Variants in PSCA observed in about 807,000 individuals in gnomAD.
PSCA encodes prostate stem cell antigen.
Under a neutral mutation model 7.9 loss-of-function variants are expected in PSCA, and 7 were observed. The observed-to-expected ratio is 0.89, with a 90% confidence interval of 0.51 to 1.67. PSCA has a LOEUF of 1.67. Among genes scored for constraint, PSCA ranks in the 40% most tolerant of loss-of-function variants. PSCA has a pLI of 0.00. For synonymous variants in PSCA, 61 were observed against 68.3 expected (o/e 0.89, Z 0.53); for missense variants, 151 against 147.9 (o/e 1.02, Z -0.11).
chr8:142,671,773 C>G (rs914404347), intron 1 of PSCA, among the ~76,000 whole-genome samples: 7 of 152,164 alleles, frequency 4.6e-5, no homozygotes, highest in African/African-American at 1.7e-4. Context: ...GTCTCGAGCT[C>G]GTGGACTCAA....
At chr8:142,680,330 A>G (rs1194897343), upstream of PSCA, 1 of 607,652 alleles carries the variant, frequency 1.6e-6, no homozygotes, top group Non-Finnish European at 3.0e-6. Flanking sequence ...AGAGGTGGAA[A>G]GAAGGACAAA....
chr8:142,673,629 G>A lies in PSCA; in HGVS notation n.261+3061G>A, dbSNP rs1390859112. Among the ~76,000 whole-genome samples, 2 of 152,174 alleles carry A rather than the reference G, an allele frequency of 1.3e-5. No individual in the cohort carries two copies. Among genetic ancestry groups the A allele is most frequent in the African/African-American group, 4.8e-5 (2 of 41,428 alleles). On this transcript the variant is annotated intron_variant and non_coding_transcript_variant, in intron 1 of 1. Coordinates refer to the PSCA transcript ENST00000505305. The surrounding 1 kb of genome is among the most constrained non-coding windows in gnomAD (Gnocchi z 4.6). ...GCCTCTCAGAAAATTCGGACGCTAG[G>A]GTTTTTCAAGGAGAGTCTGGTGGGC...
upstream of PSCA, chr8:142,675,930 A>C (rs950211058): frequency 6.6e-6 from 1 of 152,210 alleles, no homozygotes; most frequent in Non-Finnish European, 1.5e-5. Context: ...TTATTTTTTT[A>C]ATTAATGCTG....
At chr8:142,677,465 A>G (rs893131967), upstream of PSCA, among the ~76,000 whole-genome samples, 2 of 152,254 alleles carry the variant, frequency 1.3e-5, no homozygotes, top group African/African-American at 2.4e-5. Flanking sequence ...ACTGCCTTAC[A>G]GCAATCACTG....
chr8:142,682,321 C>A lies in PSCA; in HGVS notation c.*189C>A. 1 of 753,544 alleles carries A rather than the reference C, an allele frequency of 1.3e-6. No individual in the cohort carries two copies. The highest frequency in any genetic ancestry group is 2.3e-6 in the Non-Finnish European group (1 of 432,552). 46.7% of individuals were successfully genotyped at this position (753,544 alleles called of 1,614,324 possible). ...CCCATGGCCCTCTCCAGGACTCCCA[C>A]CCGGCAGATCGGCTCTATTGACACA... On this transcript the variant is annotated 3_prime_UTR_variant, in exon 3 of 3. Transcript: ENST00000301258.
intron 1 of PSCA, among the ~76,000 whole-genome samples, chr8:142,672,278 C>CCTG (rs369663281): frequency 6.6e-6 from 1 of 151,990 alleles, no homozygotes; most frequent in Non-Finnish European, 1.5e-5. Flanking sequence ...ACTGCCCTCC[C>CCTG]CAATCCACAC....
At chr8:142,671,786 G>A (rs903059459) in intron 1 of PSCA, among the ~76,000 whole-genome samples, 5 of 152,114 alleles carry the variant, frequency 3.3e-5, no homozygotes, top group East Asian at 3.9e-4. Context: ...GGACTCAAGC[G>A]ATCCCAAAAT....
At chr8:142,672,862 A>T (rs1847350722) in intron 1 of PSCA, among the ~76,000 whole-genome samples, 2 of 152,164 alleles carry the variant, frequency 1.3e-5, no homozygotes, top group Non-Finnish European at 2.9e-5. Flanking sequence ...GATTGGTATG[A>T]CCAAGGGTGA....
Position 142,682,592 on chromosome 8 carries a change from G to A in PSCA, c.*460G>A, listed in dbSNP as rs782483973. 3.5e-5 allele frequency: 13 copies of A among 370,296 alleles called. No individual in the cohort carries two copies. The highest frequency in any genetic ancestry group is 1.4e-4 in the South Asian group (7 of 50,674). 22.9% of individuals were successfully genotyped at this position (370,296 alleles called of 1,614,324 possible). A position where few individuals can be genotyped will look rare whatever the true frequency, so the allele number is the denominator to read the frequency against. ...GTAGAACTGGAGGACAGGAGTCGAC[G>A]TGAGTTCCTGGGAGTCTCCAGAGAT... On this transcript the variant is annotated 3_prime_UTR_variant, in exon 3 of 3. Transcript: ENST00000301258.
In PSCA at chr8:142,682,692, G is replaced by C. The variant is rs1006535732; in HGVS notation, c.*560G>C. 1 of 327,348 alleles carries C rather than the reference G, an allele frequency of 3.1e-6. No individual in the cohort carries two copies. The highest frequency in any genetic ancestry group is 6.1e-6 in the Non-Finnish European group (1 of 164,092). The allele number at this position is 327,348 out of a possible 1,614,324, so 20.3% of individuals were successfully genotyped here. Reference sequence around the variant, plus strand: ...CCCTGAATGGCAGCCTCAGCACAGCGTAGGCCCTTAATAAACACCTGTTGG... The same window carrying C: ...CCCTGAATGGCAGCCTCAGCACAGCCTAGGCCCTTAATAAACACCTGTTGG... On this transcript the variant is annotated 3_prime_UTR_variant, in exon 3 of 3. Coordinates refer to ENST00000301258, the MANE Select transcript of PSCA (RefSeq NM_005672.5).
chr8:142,670,703 G>A (rs1847306949), intron 1 of PSCA: 1 of 152,150 alleles, frequency 6.6e-6, no homozygotes, highest in African/African-American at 2.4e-5. Flanking sequence ...CAGAATAATG[G>A]CCCTCCAAGG....
chr8:142,680,483 G>GC, upstream of PSCA: 1 of 1,548,988 alleles, frequency 6.5e-7, no homozygotes, highest in Admixed American at 2.0e-5. Flanking sequence ...GTCACCTGAG[G>GC]CCCTCTCCAC....
In PSCA at chr8:142,681,367, C is replaced by T. The variant is rs781929366; in HGVS notation, c.66C>T (p.Ser22=). ...LLCYSCKAQV[S]NEDCLQVENC... is the part of the protein sequence containing the mutation. ...GCTACTCCTGCAAAGCCCAGGTGAG[C>T]AACGAGGACTGCCTGCAGGTGGAGA... Residue 22 remains serine, a synonymous_variant, in exon 2 of 3, where the codon AGC becomes AGT. Transcript: ENST00000301258. 3.8e-6 allele frequency: 6 copies of T among 1,584,892 alleles called. No homozygotes were observed. Among genetic ancestry groups the T allele is most frequent in the Non-Finnish European group, 5.1e-6 (6 of 1,165,756 alleles).
At chr8:142,672,023 G>C (rs1554637416) in intron 1 of PSCA, among the ~76,000 whole-genome samples, 1 of 152,104 alleles carries the variant, frequency 6.6e-6, no homozygotes, top group Admixed American at 6.6e-5. Flanking sequence ...CACTGGCAAC[G>C]ACCAAATTCA....
upstream of PSCA, among the ~76,000 whole-genome samples, chr8:142,675,741 A>G (rs1454762211): frequency 6.6e-6 from 1 of 152,122 alleles, no homozygotes; most frequent in Non-Finnish European, 1.5e-5. Context: ...CATATCACAC[A>G]CACACAGCTT....
chr8:142,672,799 A>T (rs1471560045), intron 1 of PSCA, among the ~76,000 whole-genome samples: 1 of 152,238 alleles, frequency 6.6e-6, no homozygotes, highest in Non-Finnish European at 1.5e-5. Context: ...AGACCCCAGC[A>T]GATTTTATAG....
At chr8:142,670,855 G>A (rs1554637313) in intron 1 of PSCA, among the ~76,000 whole-genome samples, 1 of 152,198 alleles carries the variant, frequency 6.6e-6, no homozygotes, top group Non-Finnish European at 1.5e-5. Context: ...TCGTCCCTGG[G>A]TATCCATAGA....
chr8:142,677,039 G>T (rs1427603704), upstream of PSCA, among the ~76,000 whole-genome samples: 2 of 152,220 alleles, frequency 1.3e-5, no homozygotes, highest in South Asian at 2.1e-4. Context: ...CCACAGTCAG[G>T]GTTCATTCTG....
At chr8:142,680,922 T>G in intron 1 of PSCA, 3 of 471,124 alleles carry the variant, frequency 6.4e-6, no homozygotes, top group East Asian at 3.6e-5. Flanking sequence ...GGCTAAGAAG[T>G]GGTTTTTGGG....
Sources: allele counts gnomAD v4.1 joint callset (sites outside exome capture counted in the v4.1 genomes callset), GRCh38; gene constraint gnomAD v4.1.1; non-coding constraint Gnocchi (gnomAD v3.1); transcripts MANE v1.5; gene names NCBI Gene and HGNC (gene_info 2026-07-23, HGNC 2026-07-21).